CLMN: variants seen among roughly 807,000 people sequenced by gnomAD.
CLMN encodes calmin.
CLMN carries 57 observed loss-of-function variants against 92.7 expected under a neutral mutation model. That is an observed-to-expected ratio of 0.61 (90% CI 0.50 to 0.77). The LOEUF (loss-of-function observed/expected upper bound fraction) is 0.77, where lower values mean the gene tolerates loss of function less well. Among genes scored for constraint, CLMN ranks in the 30% least tolerant of loss-of-function variants. The pLI, the probability that CLMN is intolerant of heterozygous loss-of-function variation, is 0.00. For synonymous variants in CLMN, 466 were observed against 470.6 expected (o/e 0.99, Z 0.13); for missense variants, 1,158 against 1,237.5 (o/e 0.94, Z 0.96).
chr14:95,202,788 T>C (rs1434600489), intron 9 of CLMN, 50 bp downstream of exon 9: 2 of 1,490,214 alleles, frequency 1.3e-6, no homozygotes, highest in African/African-American at 2.8e-5. Flanking sequence ...CAAAGAACTA[T>C]CAAGTTTCCC....
intron 1 of CLMN, among the ~76,000 whole-genome samples, chr14:95,306,886 A>C (rs1372307565): frequency 6.6e-6 from 1 of 152,226 alleles, no homozygotes; most frequent in South Asian, 2.1e-4. Context: ...CACCTTCTAC[A>C]GTAAGAAACC....
intron 1 of CLMN, among the ~76,000 whole-genome samples, chr14:95,298,947 G>C (rs1188615095): frequency 6.6e-6 from 1 of 152,152 alleles, no homozygotes; most frequent in Non-Finnish European, 1.5e-5. Flanking sequence ...TTACCACCAG[G>C]TTCCAGTTAC....
At chr14:95,209,010 CT>C (rs1182410841) in intron 8 of CLMN, among the ~76,000 whole-genome samples, 1 of 152,210 alleles carries the variant, frequency 6.6e-6, no homozygotes, top group Non-Finnish European at 1.5e-5. Context: ...TGGCCCCAAA[CT>C]GCAAAAGTAA....
intron 1 of CLMN, among the ~76,000 whole-genome samples, chr14:95,265,638 T>C (rs964252745): frequency 9.2e-5 from 14 of 152,200 alleles, no homozygotes; most frequent in African/African-American, 2.9e-4. Flanking sequence ...GTATTTGCAA[T>C]TGCCCAACCA....
chr14:95,263,220 C>G (rs931100114), intron 1 of CLMN, among the ~76,000 whole-genome samples: 5 of 152,158 alleles, frequency 3.3e-5, no homozygotes, highest in Middle Eastern at 3.2e-3. Context: ...CAAATACGTC[C>G]TCTTCACGTG....
At chr14:95,272,243 G>GGAGGAGCCTGCCAGGAGGGTGTGGGCT (rs1168887644) in intron 1 of CLMN, among the ~76,000 whole-genome samples, 1 of 152,200 alleles carries the variant, frequency 6.6e-6, no homozygotes, top group African/African-American at 2.4e-5. Flanking sequence ...CTGAGCCGGA[G>GGAGGAGCCTGCCAGGAGGGTGTGGGCT]GAGGAGCCTG....
intron 1 of CLMN, among the ~76,000 whole-genome samples, chr14:95,280,816 T>A (rs1032454032): frequency 6.6e-6 from 1 of 152,232 alleles, no homozygotes; most frequent in African/African-American, 2.4e-5. Context: ...AATTTTGATA[T>A]GACTTAGTGG....
rs764316922 is a variant in CLMN, at chr14:95,196,555, CT to C, written c.2650del (p.Ser884ValfsTer8). ...VESSLFVAPG[S>X]VQSSDDLEED... ...TTCTAGGTCATCTGAGGATTGAACA[CT>C]TCCTGGTGCTACAAATAGTGAACTT... On this transcript the variant is annotated frameshift_variant, in exon 10 of 13. Transcript: ENST00000298912. LOFTEE classifies it high-confidence loss of function. 1 of 1,614,222 alleles carries C rather than the reference CT, an allele frequency of 6.2e-7. No homozygotes were observed. Among genetic ancestry groups the C allele is most frequent in the South Asian group, 1.1e-5 (1 of 91,084 alleles).
intron 1 of CLMN, among the ~76,000 whole-genome samples, chr14:95,309,875 C>A (rs955538846): frequency 6.6e-6 from 1 of 152,044 alleles, no homozygotes; most frequent in Non-Finnish European, 1.5e-5. Context: ...TGACAGATTA[C>A]CACACGCTTA....
At chr14:95,245,267 AT>A (rs1321956775) in intron 1 of CLMN, among the ~76,000 whole-genome samples, 2 of 49,890 alleles carry the variant, frequency 4.0e-5, no homozygotes, top group African/African-American at 1.0e-4. Flanking sequence ...ATATATATAT[AT>A]ATTATATATA....
intron 7 of CLMN, among the ~76,000 whole-genome samples, chr14:95,210,478 ATACAG>A (rs1897165388): frequency 6.6e-6 from 1 of 152,240 alleles, no homozygotes; most frequent in Non-Finnish European, 1.5e-5. Context: ...AATTATATAT[ATACAG>A]TAAATGATAA....
Position 95,193,926 on chromosome 14 carries a change from T to A in CLMN, c.2770-7A>T. On this transcript the variant is annotated splice_region_variant and splice_polypyrimidine_tract_variant and intron_variant, in intron 11 of 12. Coordinates refer to ENST00000298912, the MANE Select transcript of CLMN (RefSeq NM_024734.4). ...GAACATAGCTAAAATGATCCTACAG[T>A]GAAATTTATAAACAAAAGCCCCCGC... The A allele has an allele frequency of 6.2e-7, 1 of 1,612,470 alleles. No individual in the cohort carries two copies.
chr14:95,187,106 C>T lies in CLMN; in HGVS notation c.*4458G>A, dbSNP rs1038981159. 6.6e-6 allele frequency: 1 copy of T among 152,300 alleles called. No individual in the cohort carries two copies. The highest frequency in any genetic ancestry group is 2.4e-5 in the African/African-American group (1 of 41,468). 9.4% of individuals were successfully genotyped at this position (152,300 alleles called of 1,614,324 possible). On this transcript the variant is annotated 3_prime_UTR_variant, in exon 13 of 13. Transcript: ENST00000298912. Reference sequence around the variant, plus strand: ...CACAAAATCACTTAGCAGACCACAGCTCAACAGGATGGATGTTGCTGCAGT... The same window carrying T: ...CACAAAATCACTTAGCAGACCACAGTTCAACAGGATGGATGTTGCTGCAGT...
At position 95,304,736 on chromosome 14, in the gene CLMN, G is replaced by T. The variant is rs140759076; in HGVS notation, c.82+14975C>A. On this transcript the variant is annotated intron_variant, in intron 1 of 12. Coordinates refer to ENST00000298912, the MANE Select transcript of CLMN (RefSeq NM_024734.4). ...TTAAGTGATTTTATACATACTACAT[G>T]CAGAGGACCAATGCCTCCCAAGCCC... Among the ~76,000 whole-genome samples, 291 of 151,984 alleles carry T rather than the reference G, an allele frequency of 1.9e-3. 1 individual carries two copies. The highest frequency in any genetic ancestry group is 0.01 in the Middle Eastern group (3 of 294).
intron 1 of CLMN, among the ~76,000 whole-genome samples, chr14:95,266,088 C>A (rs149456169): frequency 9.8e-5 from 15 of 152,298 alleles, no homozygotes; most frequent in Admixed American, 7.9e-4. Flanking sequence ...TTTACAAATG[C>A]GTATCTAAAA....
rs1037791709 is a variant in CLMN at position 95,182,144 on chromosome 14, T to C, written c.*9420A>G. 1.3e-5 allele frequency: 2 copies of C among 152,270 alleles called. No homozygotes were observed. Among genetic ancestry groups the C allele is most frequent in the Admixed American group, 6.5e-5 (1 of 15,290 alleles). The allele number at this position is 152,270 out of a possible 1,614,324, so 9.4% of individuals were successfully genotyped here. A position where few individuals can be genotyped will look rare whatever the true frequency, so the allele number is the denominator to read the frequency against. On this transcript the variant is annotated 3_prime_UTR_variant, in exon 13 of 13. Coordinates refer to ENST00000298912, the MANE Select transcript of CLMN (RefSeq NM_024734.4). ...ATCAATAAATAAGACGGCACATTCA[T>C]ATATTGTTTATAAAGATCTTTTTTT...
Position 95,256,396 on chromosome 14 carries a change from C to T in CLMN, c.83-26263G>A, listed in dbSNP as rs550347707. Among the ~76,000 whole-genome samples, 1 of 152,202 alleles carries T rather than the reference C, an allele frequency of 6.6e-6. No individual in the cohort carries two copies. Among genetic ancestry groups the T allele is most frequent in the Non-Finnish European group, 1.5e-5 (1 of 68,034 alleles). On this transcript the variant is annotated intron_variant, in intron 1 of 12. Coordinates refer to ENST00000298912, the MANE Select transcript of CLMN (RefSeq NM_024734.4). This position sits in a 1 kb window ranked among gnomAD's most constrained non-coding sequence, Gnocchi z 4.9. Reference sequence around the variant, plus strand: ...TCTTGGCTGAGGAAATTGCTACCAACGACACTGTGACTCAACAGATAATTG... The same window carrying T: ...TCTTGGCTGAGGAAATTGCTACCAATGACACTGTGACTCAACAGATAATTG...
rs372879148 is a variant in CLMN at position 95,289,727 on chromosome 14, G to A, written c.82+29984C>T. ...TCCTGGGCTGCCCACTTTCTCCACA[G>A]CCTAGTCCTCTCGGCTGTTGTCCTC... On this transcript the variant is annotated intron_variant, in intron 1 of 12. Coordinates refer to ENST00000298912, the MANE Select transcript of CLMN (RefSeq NM_024734.4). Among the ~76,000 whole-genome samples the A allele has an allele frequency of 3.1e-4, 47 of 152,202 alleles. No individual in the cohort carries two copies. In the East Asian group the frequency reaches 7.8e-3, roughly 25 times the overall value.
chr14:95,240,013 A>G (rs975687303), intron 1 of CLMN, among the ~76,000 whole-genome samples: 2 of 152,142 alleles, frequency 1.3e-5, no homozygotes, highest in African/African-American at 4.8e-5. Context: ...TGTTACAATT[A>G]CCTGCAGTAT....
Sources: allele counts gnomAD v4.1 joint callset (sites outside exome capture counted in the v4.1 genomes callset), GRCh38; gene constraint gnomAD v4.1.1; non-coding constraint Gnocchi (gnomAD v3.1); transcripts MANE v1.5; gene names NCBI Gene and HGNC (gene_info 2026-07-23, HGNC 2026-07-21).